CORO2A: variants seen among roughly 807,000 people sequenced by gnomAD.
CORO2A encodes the protein coronin-2A.
A neutral mutation model predicts 62.4 loss-of-function variants in CORO2A; 47 were observed. The ratio of observed to expected loss-of-function variants is 0.75; its 90% confidence interval spans 0.60 to 0.96. The LOEUF is 0.96. Among genes scored for constraint, CORO2A ranks in the 40% least tolerant of loss-of-function variants. CORO2A has a pLI of 0.00. For missense variants in CORO2A, 610 were observed against 684.1 expected (o/e 0.89, Z 1.21); for synonymous variants, 273 against 268.9 (o/e 1.02, Z -0.15).
chr9:98,178,056 A>T (rs73498778), intron 1 of CORO2A, among the ~76,000 whole-genome samples: 1,933 of 151,922 alleles, frequency 0.013, 35 homozygotes, highest in African/African-American at 0.045. Flanking sequence ...TATTAAAAAC[A>T]TTTTTTTAGA....
chr9:98,150,566 C>A (rs1827709591), intron 2 of CORO2A, among the ~76,000 whole-genome samples: 1 of 152,178 alleles, frequency 6.6e-6, no homozygotes, highest in Admixed American at 6.5e-5. Context: ...TCTCCCAACC[C>A]ACGTCACACT....
intron 4 of CORO2A, among the ~76,000 whole-genome samples, chr9:98,133,669 G>A (rs1269603922): frequency 4.6e-5 from 7 of 152,186 alleles, no homozygotes; most frequent in South Asian, 2.1e-4. Flanking sequence ...ACAAATACAC[G>A]CAGCAGCTCT....
chr9:98,134,366 G>A (rs1827455131), intron 4 of CORO2A, among the ~76,000 whole-genome samples: 3 of 152,132 alleles, frequency 2.0e-5, no homozygotes, highest in Non-Finnish European at 4.4e-5. Context: ...CATCCACTCC[G>A]GGCAGGCTAT....
rs138583944 is a variant in CORO2A at position 98,169,521 on chromosome 9, C to T, written c.1-11861G>A. ...CAGGCCTCGCATATTCCACCCCCAACTCTGGCCCTGCACTTTCCCTTAAAA... is the reference window on the plus strand; with the variant it reads ...CAGGCCTCGCATATTCCACCCCCAATTCTGGCCCTGCACTTTCCCTTAAAA... On this transcript the variant is annotated intron_variant, in intron 1 of 11. Transcript: ENST00000375077. Among the ~76,000 whole-genome samples the T allele has an allele frequency of 1.8e-4, 28 of 152,150 alleles. No individual in the cohort carries two copies. The East Asian group carries it at 5.4e-3, about 30-fold the overall frequency.
At chr9:98,189,523 C>G (rs1279970561) in intron 1 of CORO2A, among the ~76,000 whole-genome samples, 1 of 152,174 alleles carries the variant, frequency 6.6e-6, no homozygotes, top group Non-Finnish European at 1.5e-5. Flanking sequence ...TTTAATGAAT[C>G]TCCTTCCAAT....
At chr9:98,138,996 A>G (rs1827530283) in intron 2 of CORO2A, among the ~76,000 whole-genome samples, 1 of 150,888 alleles carries the variant, frequency 6.6e-6, no homozygotes, top group African/African-American at 2.4e-5. Flanking sequence ...GCAGTGAGCC[A>G]AGATCATGCC....
intron 1 of CORO2A, among the ~76,000 whole-genome samples, chr9:98,158,639 C>G (rs775978351): frequency 2.0e-4 from 30 of 152,020 alleles, no homozygotes; most frequent in Non-Finnish European, 3.8e-4. Flanking sequence ...TGGGTAATAA[C>G]AGAGATTCGC....
chr9:98,150,884 T>C (rs1410620704), intron 2 of CORO2A, among the ~76,000 whole-genome samples: 4 of 152,142 alleles, frequency 2.6e-5, no homozygotes, highest in African/African-American at 9.7e-5. Flanking sequence ...AAACATTCTC[T>C]CTCTCTTTAG....
At chr9:98,188,849 G>C (rs896323936) in intron 1 of CORO2A, among the ~76,000 whole-genome samples, 2 of 152,174 alleles carry the variant, frequency 1.3e-5, no homozygotes, top group African/African-American at 4.8e-5. Flanking sequence ...CAATGTAGGT[G>C]CTTAATAAAT....
intron 1 of CORO2A, among the ~76,000 whole-genome samples, chr9:98,162,948 C>T (rs1827905808): frequency 6.6e-6 from 1 of 152,240 alleles, no homozygotes. Flanking sequence ...CCAGGCCACT[C>T]ATCTTATCCT....
Position 98,128,620 on chromosome 9 carries a change from A to G in CORO2A, c.1067T>C (p.Ile356Thr), listed in dbSNP as rs1827362084. 2 of 1,614,112 alleles carry G rather than the reference A, an allele frequency of 1.2e-6. No homozygotes were observed. Among genetic ancestry groups the G allele is most frequent in the African/African-American group, 2.7e-5 (2 of 75,032 alleles). The change falls in exon 9 of 12, where the codon ATT becomes ACT. Residue 356 changes from isoleucine (I) to threonine (T), a missense_variant. Physicochemically the swap from Ile to Thr is moderately conservative, Grantham distance 89. Coordinates refer to ENST00000375077, the MANE Select transcript of CORO2A (RefSeq NM_052820.4). ...TKSLIEPISM[I>T]VPRRSESYQE... ...GACTGCCCTTACCCGCCGGGGCACA[A>G]TCATGGAGATGGGCTCGATGAGGCT...
At chr9:98,161,477 C>T (rs538286932) in intron 1 of CORO2A, among the ~76,000 whole-genome samples, 2 of 152,266 alleles carry the variant, frequency 1.3e-5, no homozygotes, top group East Asian at 1.9e-4. Flanking sequence ...TCACTTGAAC[C>T]GGGAATGCGG....
chr9:98,135,563 G>A (rs1284007865), intron 3 of CORO2A, among the ~76,000 whole-genome samples: 2 of 152,134 alleles, frequency 1.3e-5, no homozygotes, highest in Admixed American at 6.6e-5. Context: ...CTTCCTTCCA[G>A]AGTAGTGTTG....
At chr9:98,158,845 A>ACACACACT in intron 1 of CORO2A, among the ~76,000 whole-genome samples, 1 of 151,820 alleles carries the variant, frequency 6.6e-6, no homozygotes, top group East Asian at 1.9e-4. Flanking sequence ...AAACACACAC[A>ACACACACT]CACACACACA....
At position 98,131,143 on chromosome 9, in the gene CORO2A, T is replaced by C. The variant is rs540700812; in HGVS notation, c.766-84A>G. The C allele has an allele frequency of 1.0e-5, 9 of 875,046 alleles. 1 individual carries two copies. The highest frequency in any genetic ancestry group is 2.2e-5 in the Admixed American group (1 of 46,296). The allele number at this position is 875,046 out of a possible 1,614,324, so 54.2% of individuals were successfully genotyped here. On this transcript the variant is annotated intron_variant, in intron 6 of 11. Coordinates refer to ENST00000375077, the MANE Select transcript of CORO2A (RefSeq NM_052820.4). ...CTCCCGGAGATAAGAATTGCTGCCA[T>C]GGTGCTCTGGGCGAGAGTGTGTGTG...
At chr9:98,138,746 G>C (rs1827524699) in intron 2 of CORO2A, among the ~76,000 whole-genome samples, 1 of 152,134 alleles carries the variant, frequency 6.6e-6, no homozygotes, top group African/African-American at 2.4e-5. Flanking sequence ...CCTAAGTAAT[G>C]CATATGAAAA....
intron 2 of CORO2A, among the ~76,000 whole-genome samples, chr9:98,150,115 T>C (rs972885915): frequency 2.0e-5 from 3 of 152,082 alleles, no homozygotes; most frequent in Non-Finnish European, 2.9e-5. Context: ...ATATTTTTAG[T>C]AGAGACAGGG....
At chr9:98,139,565 T>G (rs934781323) in intron 2 of CORO2A, among the ~76,000 whole-genome samples, 2 of 152,182 alleles carry the variant, frequency 1.3e-5, no homozygotes, top group African/African-American at 4.8e-5. Context: ...AGGTGGAGGT[T>G]GCGGTGAGCT....
At chr9:98,127,369 G>C (rs1054146662) in intron 10 of CORO2A, among the ~76,000 whole-genome samples, 1 of 152,176 alleles carries the variant, frequency 6.6e-6, no homozygotes, top group Non-Finnish European at 1.5e-5. Flanking sequence ...GAAGTTTGTG[G>C]GGGTGGAAGG....
Sources: gnomAD v4.1 joint callset for allele counts (sites outside exome capture counted in the v4.1 genomes callset) on GRCh38, gnomAD v4.1.1 for gene constraint, MANE v1.5 for transcripts, NCBI Gene and HGNC (gene_info 2026-07-23, HGNC 2026-07-21) for gene names.